The following HEY1 variants were observed in gnomAD, a reference collection of about 807,000 sequenced individuals.
HEY1 encodes the protein hes related family bHLH transcription factor with YRPW motif 1.
HEY1 carries 9 observed loss-of-function variants against 28.7 expected under a neutral mutation model. The ratio of observed to expected loss-of-function variants is 0.31; its 90% CI spans 0.19 to 0.55. The LOEUF is 0.55. Among genes scored for constraint, HEY1 ranks in the 20% least tolerant of loss-of-function variants. The pLI is 0.93. For missense variants in HEY1, 385 were observed against 399.4 expected, an observed-to-expected ratio of 0.96 and a Z score of 0.31; for synonymous variants, 213 against 175.6, an observed-to-expected ratio of 1.21 and a Z score of -1.68.
rs964437523 is a variant in HEY1 at position 79,765,144 on chromosome 8, G to C, written c.*44C>G. 77 of 1,383,094 alleles carry C rather than the reference G, an allele frequency of 5.6e-5. No individual in the cohort carries two copies. The highest frequency in any genetic ancestry group is 7.4e-5 in the Non-Finnish European group (75 of 1,018,718). 85.7% of individuals were successfully genotyped at this position (1,383,094 alleles called of 1,614,324 possible). On this transcript the variant is annotated 3_prime_UTR_variant, in exon 5 of 5. Transcript: ENST00000354724. ...GTGATGTTGGCAACAGTCCAGCCCA[G>C]CTGGGATTTTAAACTTTCCCCTCCC...
rs1452100969 is a variant in HEY1, at chr8:79,767,176, T to C, written c.165+43A>G. Reference sequence around the variant, plus strand: ...ACAAAAAAAAAGGTGGTTATTTCCGTTAATCAATAACAAAAATAAAAGGAG... The same window carrying C: ...ACAAAAAAAAAGGTGGTTATTTCCGCTAATCAATAACAAAAATAAAAGGAG... On this transcript the variant is annotated intron_variant, in intron 2 of 4. Transcript: ENST00000354724. 2.0e-5 allele frequency: 32 copies of C among 1,587,458 alleles called. 1 individual carries two copies. The Middle Eastern group carries it at 2.0e-3, about 99-fold the overall frequency.
At position 79,765,654 on chromosome 8, in the gene HEY1, A is replaced by G; in HGVS notation, c.449T>C (p.Leu150Pro). 6.2e-7 allele frequency: 1 copy of G among 1,614,244 alleles called. No homozygotes were observed. Among genetic ancestry groups the G allele is most frequent in the Non-Finnish European group, 8.5e-7 (1 of 1,180,036 alleles). Reference sequence around the variant, plus strand: ...GAGATGCGAAACCAGTCGAACTCGAAGCGGGTCAGAGGCATCTAGTCCTTC... The same window carrying G: ...GAGATGCGAAACCAGTCGAACTCGAGGCGGGTCAGAGGCATCTAGTCCTTC... The part of the protein sequence containing the change: ...IIEGLDASDP[L>P]RVRLVSHLNN... The change falls in exon 5 of 5, where the codon CTT becomes CCT. Residue 150 changes from leucine to proline, a missense_variant. Physicochemically the swap from Leu to Pro is moderately conservative, Grantham distance 98 (BLOSUM62 -3). Coordinates refer to ENST00000354724, the MANE Select transcript of HEY1 (RefSeq NM_012258.4).
rs550195647 is a variant in HEY1 at position 79,765,019 on chromosome 8, T to C, written c.*169A>G. 3.7e-6 allele frequency: 2 copies of C among 537,580 alleles called. No homozygotes were observed. The highest frequency in any genetic ancestry group is 6.1e-5 in the East Asian group (2 of 32,926). The allele number at this position is 537,580 out of a possible 1,614,324, so 33.3% of individuals were successfully genotyped here. On this transcript the variant is annotated 3_prime_UTR_variant, in exon 5 of 5. Coordinates refer to ENST00000354724, the MANE Select transcript of HEY1 (RefSeq NM_012258.4). ...AATACATGACATGATGAAAAAAACA[T>C]TAAAAAAGATAAAAGTAAACCAACA...
At chr8:79,767,364 G>GC in intron 1 of HEY1, 70 bp from the exon 2 acceptor site, 1 of 1,367,752 alleles carries the variant, frequency 7.3e-7, no homozygotes. Flanking sequence ...CTGAGAGGTC[G>GC]CCCCCACACC....
rs1807802921 is a variant in HEY1 at position 79,765,365 on chromosome 8, G to A, written c.738C>T (p.Ser246=). ...SLGPVLPVVT[S]ASKLSPPLLS... ...GCAGAGGCGGCGACAGTTTGGAGGC[G>A]GAGGTGACCACAGGGAGCACCGGTC... Residue 246 remains serine (S), a synonymous_variant, in exon 5 of 5, where the codon TCC becomes TCT. Transcript: ENST00000354724. 6.3e-7 allele frequency: 1 copy of A among 1,588,232 alleles called. No individual in the cohort carries two copies. Among genetic ancestry groups the A allele is most frequent in the East Asian group, 2.3e-5 (1 of 43,724 alleles).
At position 79,767,122 on chromosome 8, in the gene HEY1, C is replaced by T. The variant is rs374178891; in HGVS notation, c.166-30G>A. ...AGAAGGCAAGCAAAACAAAGGAAGG[C>T]ATTACCATTACGACTGTAAATTTCA... is the stretch of plus-strand genomic sequence containing the variant. On this transcript the variant is annotated intron_variant, in intron 2 of 4. Coordinates refer to ENST00000354724, the MANE Select transcript of HEY1 (RefSeq NM_012258.4). The T allele has an allele frequency of 3.1e-6, 5 of 1,589,412 alleles. No individual in the cohort carries two copies. The African/African-American group carries it at 5.4e-5, about 17-fold the overall frequency.
In HEY1 at chr8:79,767,271, G is replaced by C. The variant is rs1252998774; in HGVS notation, c.113C>G (p.Ser38Cys). Reference protein sequence around the residue: ...ENGNLSSALGSMSPTTSSQIL... With the variant: ...ENGNLSSALGCMSPTTSSQIL... ...CTGGGAAGATGTAGTTGGGGACATG[G>C]AACCTAGAGCCGAACTCAAGTTTCT... The change falls in exon 2 of 5, where the codon TCC (serine) becomes TGC (cysteine). Residue 38 changes from serine (S) to cysteine (C), a missense_variant. Physicochemically the swap from Ser to Cys is moderately radical, Grantham distance 112. Coordinates refer to ENST00000354724, the MANE Select transcript of HEY1 (RefSeq NM_012258.4). 26 of 1,613,670 alleles carry C rather than the reference G, an allele frequency of 1.6e-5. No homozygotes were observed. The highest frequency in any genetic ancestry group is 2.2e-5 in the Non-Finnish European group (26 of 1,179,864).
In HEY1 at chr8:79,765,059, A is replaced by T. The variant is rs566234010; in HGVS notation, c.*129T>A. 3.1e-5 allele frequency: 17 copies of T among 541,436 alleles called. No homozygotes were observed. Among genetic ancestry groups the T allele is most frequent in the South Asian group, 4.7e-5 (1 of 21,472 alleles). The allele number at this position is 541,436 out of a possible 1,614,324, so 33.5% of individuals were successfully genotyped here. On this transcript the variant is annotated 3_prime_UTR_variant, in exon 5 of 5. Transcript: ENST00000354724. The stretch of plus-strand genomic sequence containing the variant: ...GTAAACCAACAAACCTTTAGTCTTT[A>T]AAAAAAAAATTATCTGAAAGTGTAC...
rs1027837304 is a variant in HEY1 at position 79,764,340 on chromosome 8, A to T, written c.*848T>A. On this transcript the variant is annotated 3_prime_UTR_variant, in exon 5 of 5. Coordinates refer to ENST00000354724, the MANE Select transcript of HEY1 (RefSeq NM_012258.4). ...GACCACTCGCACACCATGATCACTT[A>T]TCCATGTTAACATTTGTGAATTTGA... The T allele has an allele frequency of 1.8e-5, 4 of 226,490 alleles. No homozygotes were observed. Among genetic ancestry groups the T allele is most frequent in the African/African-American group, 8.9e-5 (4 of 44,974 alleles). 14.0% of individuals were successfully genotyped at this position (226,490 alleles called of 1,614,324 possible).
In HEY1 at chr8:79,765,589, G is replaced by A. The variant is rs1807813453; in HGVS notation, c.514C>T (p.His172Tyr). The change falls in exon 5 of 5, where the codon CAC becomes TAC. Residue 172 changes from histidine (H) to tyrosine (Y), a missense_variant. Physicochemically the swap from His to Tyr is moderately conservative, Grantham distance 83. Transcript: ENST00000354724. ...CAGGGAATGTGTCCGAGGCCCGCGT[G>A]GGCGCCGCTCGCGGCTTCCCGCTGG... ...ASQREAASGAHAGLGHIPWGT... is the reference protein window; with the variant it reads ...ASQREAASGAYAGLGHIPWGT... The A allele has an allele frequency of 4.3e-6, 7 of 1,614,076 alleles. No homozygotes were observed. The highest frequency in any genetic ancestry group is 5.1e-6 in the Non-Finnish European group (6 of 1,180,052).
chr8:79,765,221 A>G lies in HEY1; in HGVS notation c.882T>C (p.Tyr294=), dbSNP rs1807797861. Residue 294 remains tyrosine, a synonymous_variant, in exon 5 of 5, where the codon TAT becomes TAC. Coordinates refer to ENST00000354724, the MANE Select transcript of HEY1 (RefSeq NM_012258.4). ...PTQAANLGKP[Y]RPWGTEIGAF ...CTCCGATCTCCGTCCCCCAAGGTCT[A>G]TAGGGCTTGCCAAGGTTTGCAGCCT... 6.4e-7 allele frequency: 1 copy of G among 1,552,662 alleles called. No homozygotes were observed. The highest frequency in any genetic ancestry group is 8.7e-7 in the Non-Finnish European group (1 of 1,147,314).
At position 79,767,240 on chromosome 8, in the gene HEY1, C is replaced by T; in HGVS notation, c.144G>A (p.Leu48=). The T allele has an allele frequency of 1.2e-6, 2 of 1,613,738 alleles. No homozygotes were observed. Among genetic ancestry groups the T allele is most frequent in the Middle Eastern group, 1.6e-4 (1 of 6,062 alleles). The change falls in exon 2 of 5, where the codon TTG becomes TTA. Residue 48 remains leucine, a synonymous_variant. Coordinates refer to ENST00000354724, the MANE Select transcript of HEY1 (RefSeq NM_012258.4). The part of the protein sequence containing the change: ...SMSPTTSSQI[L]ARKRRRGIIE... ...TCACTCCTCTCCGTCTTTTTCTGGCCAAAATCTGGGAAGATGTAGTTGGGG... is the reference window on the plus strand; with the variant it reads ...TCACTCCTCTCCGTCTTTTTCTGGCTAAAATCTGGGAAGATGTAGTTGGGG...
rs764022772 is a variant in HEY1 at position 79,767,596 on chromosome 8, T to C, written c.68A>G (p.Lys23Arg). The C allele has an allele frequency of 2.5e-6, 4 of 1,610,198 alleles. No homozygotes were observed. The African/African-American group carries it at 4.0e-5, about 16-fold the overall frequency. Residue 23 changes from lysine to arginine, a missense_variant, in exon 1 of 5, where the codon AAG becomes AGG. Coordinates refer to ENST00000354724, the MANE Select transcript of HEY1 (RefSeq NM_012258.4). ...SELDETIEVE[K>R]ESADENGNLS... is the part of the protein sequence containing the mutation. ...TCACCCATTCTCGTCCGCACTCTCC[T>C]TCTCCACCTCGATGGTCTCGTCCAG...
intron 4 of HEY1, 77 bp downstream of exon 4, chr8:79,766,574 T>G: frequency 7.5e-6 from 12 of 1,600,378 alleles, no homozygotes; most frequent in Non-Finnish European, 9.4e-6. Context: ...AGGCAGCTAC[T>G]GCACCAATCC....
At chr8:79,766,952 G>T (rs767914832) in intron 3 of HEY1, 57 bp downstream of exon 3, 3 of 1,428,812 alleles carry the variant, frequency 2.1e-6, no homozygotes, top group Non-Finnish European at 3.0e-6. Context: ...TTAATGAGGG[G>T]AAGATTCAGA....
chr8:79,765,669 T>A lies in HEY1; in HGVS notation c.434A>T (p.Asp145Val). 1.2e-6 allele frequency: 2 copies of A among 1,614,218 alleles called. No homozygotes were observed. Among genetic ancestry groups the A allele is most frequent in the Non-Finnish European group, 1.7e-6 (2 of 1,180,040 alleles). The part of the protein sequence containing the change: ...ARYLSIIEGL[D>V]ASDPLRVRLV... ...TCGAACTCGAAGCGGGTCAGAGGCA[T>A]CTAGTCCTTCAATGATGCTCAGATA... is the stretch of plus-strand genomic sequence containing the variant. Residue 145 changes from aspartate (D) to valine (V), a missense_variant, in exon 5 of 5, where the codon GAT becomes GTT. Coordinates refer to ENST00000354724, the MANE Select transcript of HEY1 (RefSeq NM_012258.4).
rs1265049869 is a variant in HEY1 at position 79,767,576 on chromosome 8, C to T, written c.88G>A (p.Gly30Arg). 2 of 1,606,018 alleles carry T rather than the reference C, an allele frequency of 1.2e-6. No homozygotes were observed. Among genetic ancestry groups the T allele is most frequent in the South Asian group, 2.2e-5 (2 of 89,416 alleles). Residue 30 changes from glycine (G) to arginine (R), a missense_variant and splice_region_variant, in exon 1 of 5, where the codon GGA becomes AGA. Around this residue, in one of 3 missense-constraint regions of HEY1, gnomAD observed 79 missense variants for 60.7 expected, o/e 1.30. Transcript: ENST00000354724. Reference sequence around the variant, plus strand: ...TCCGCTCCGCCGCCGCCAGCTCACCCATTCTCGTCCGCACTCTCCTTCTCC... The same window carrying T: ...TCCGCTCCGCCGCCGCCAGCTCACCTATTCTCGTCCGCACTCTCCTTCTCC... ...EVEKESADEN[G>R]NLSSALGSMS...
chr8:79,766,464 G>A, intron 4 of HEY1, 187 bp downstream of exon 4: 2 of 1,494,454 alleles, frequency 1.3e-6, no homozygotes, highest in South Asian at 1.4e-5. Flanking sequence ...GAGCTGGGGT[G>A]GTGAATTCAC....
In HEY1 at chr8:79,765,681, A is replaced by G. The variant is rs150712459; in HGVS notation, c.422T>C (p.Ile141Thr). The G allele has an allele frequency of 4.6e-5, 75 of 1,614,234 alleles. No individual in the cohort carries two copies. The South Asian group carries it at 5.3e-4, about 11-fold the overall frequency. The change falls in exon 5 of 5, where the codon ATT becomes ACT. Residue 141 changes from isoleucine to threonine, a missense_variant. Coordinates refer to ENST00000354724, the MANE Select transcript of HEY1 (RefSeq NM_012258.4). ...LAEVARYLSIIEGLDASDPLR... is the reference protein window; with the variant it reads ...LAEVARYLSITEGLDASDPLR... The stretch of plus-strand genomic sequence containing the variant: ...CGGGTCAGAGGCATCTAGTCCTTCA[A>G]TGATGCTCAGATAACGCGCAACTTC...
Sources: gnomAD v4.1 joint callset for allele counts on GRCh38, gnomAD v4.1.1 for gene constraint, gnomAD v4.1.1 regional missense constraint, MANE v1.5 for transcripts, NCBI Gene and HGNC (gene_info 2026-07-23, HGNC 2026-07-21) for gene names.